SORBS2: variants seen among roughly 807,000 people sequenced by gnomAD.
SORBS2 encodes sorbin and SH3 domain-containing protein 2.
In SORBS2, 46 loss-of-function variants were observed where a neutral mutation model predicts 97.7. That is an observed-to-expected ratio of 0.47 (90% confidence interval 0.37 to 0.60). The LOEUF is 0.60. SORBS2 is among the 20% of genes least tolerant of loss of function. The pLI is 0.00. For synonymous variants in SORBS2, 476 were observed against 473.4 expected (o/e 1.01, Z -0.07); for missense variants, 1,316 against 1,282.3 (o/e 1.03, Z -0.40).
Position 185,678,820 on chromosome 4 carries a change from G to T in SORBS2, c.-195C>A, listed in dbSNP as rs140295216. On this transcript the variant is annotated splice_region_variant and 5_prime_UTR_variant, in exon 3 of 21. Coordinates refer to the SORBS2 transcript ENST00000284776. ...CCTGAGTCTGGTGACTGAGAATCAC[G>T]CCCTGAAAGAAAAAAAAATGTTGAA... 10 of 1,451,666 alleles carry T rather than the reference G, an allele frequency of 6.9e-6. No homozygotes were observed. The East Asian group carries it at 7.9e-5, about 12-fold the overall frequency. The allele number at this position is 1,451,666 out of a possible 1,614,324, so 89.9% of individuals were successfully genotyped here. A position where few individuals can be genotyped will look rare whatever the true frequency, so the allele number is the denominator to read the frequency against.
intron 1 of SORBS2, among the ~76,000 whole-genome samples, chr4:185,841,533 T>A (rs184477752): frequency 1.3e-5 from 2 of 152,144 alleles, no homozygotes; most frequent in Middle Eastern, 3.4e-3. Flanking sequence ...CATGTTAGGT[T>A]CCTCCCATGG....
intron 4 of SORBS2, among the ~76,000 whole-genome samples, chr4:185,641,953 G>A (rs529689631): frequency 6.6e-6 from 1 of 152,192 alleles, no homozygotes; most frequent in South Asian, 2.1e-4. Context: ...TGCTTTTGTG[G>A]TTATCGAGAT....
At chr4:185,592,194 C>T (rs2095960550) in intron 13 of SORBS2, 1 of 152,570 alleles carries the variant, frequency 6.6e-6, no homozygotes, top group South Asian at 2.1e-4. Context: ...GAACATATTT[C>T]ACTAAAACTC....
chr4:185,614,953 T>C (rs1316801825), exon 11 of SORBS2: 2 of 1,614,136 alleles, frequency 1.2e-6, no homozygotes, highest in South Asian at 2.2e-5. Context: ...TCAGGAGGTG[T>C]GAGTTTCTAT....
At chr4:185,924,063 C>T (rs569954913) in intron 1 of SORBS2, among the ~76,000 whole-genome samples, 1 of 152,258 alleles carries the variant, frequency 6.6e-6, no homozygotes, top group African/African-American at 2.4e-5. Flanking sequence ...AGCCAGGAAC[C>T]CAGGAGGTCA....
chr4:185,721,754 A>G (rs772611351), intron 2 of SORBS2, among the ~76,000 whole-genome samples: 11 of 152,254 alleles, frequency 7.2e-5, no homozygotes, highest in Non-Finnish European at 1.6e-4. Context: ...AAGGGAAAAC[A>G]AAAGCTGTCT....
rs560579731 is a variant in SORBS2 at position 185,756,710 on chromosome 4, C to G, written c.-198+18517G>C. 6.8e-3 allele frequency among the ~76,000 whole-genome samples: 893 copies of G among 131,126 alleles called. 3 individuals carry two copies. Among genetic ancestry groups the G allele is most frequent in the Non-Finnish European group, 8.5e-3 (536 of 63,230 alleles). The allele number at this position is 131,126 out of a possible 152,430, so 86.0% of individuals were successfully genotyped here. ...TTAATAAAAGCCAAATTACAGCCAA[C>G]TGTTAAAGCTTTTTTTTTTTTTTTT... On this transcript the variant is annotated intron_variant, in intron 2 of 20. Coordinates refer to the SORBS2 transcript ENST00000284776.
chr4:185,651,778 T>A lies in SORBS2; in HGVS notation c.91+884A>T, dbSNP rs573610578. 8 of 1,491,396 alleles carry A rather than the reference T, an allele frequency of 5.4e-6. No homozygotes were observed. The African/African-American group carries it at 6.9e-5, about 13-fold the overall frequency. The allele number at this position is 1,491,396 out of a possible 1,614,324, so 92.4% of individuals were successfully genotyped here. On this transcript the variant is annotated intron_variant, in intron 2 of 14. Coordinates refer to ENST00000418609, the Ensembl canonical transcript of SORBS2. ...TAGTCATTGCGAGCAAGGAAACCCA[T>A]CCTACCTGCATTGTATGTATAAGGA...
At chr4:185,586,313 A>ATTT (rs1469076236) in exon 15 of SORBS2, 1 of 152,650 alleles carries the variant, frequency 6.6e-6, no homozygotes, top group South Asian at 2.1e-4. Flanking sequence ...TCCCAATATC[A>ATTT]TTTTTTAAAT....
chr4:185,671,781 G>C (rs1335232122), intron 4 of SORBS2, among the ~76,000 whole-genome samples: 2 of 152,178 alleles, frequency 1.3e-5, no homozygotes, highest in Admixed American at 1.3e-4. Flanking sequence ...CGTGGTATTA[G>C]AAATTCTTTC....
chr4:185,802,499 G>A (rs887852600), intron 1 of SORBS2, among the ~76,000 whole-genome samples: 3 of 152,140 alleles, frequency 2.0e-5, no homozygotes, highest in African/African-American at 2.4e-5. Context: ...CGCTCTCCAC[G>A]TTCCCTATCA....
chr4:185,866,269 G>A (rs951127998), intron 1 of SORBS2, among the ~76,000 whole-genome samples: 5 of 152,170 alleles, frequency 3.3e-5, no homozygotes, highest in Admixed American at 6.5e-5. Flanking sequence ...CAAACCAAGC[G>A]CAGTGTTTAC....
intron 2 of SORBS2, among the ~76,000 whole-genome samples, chr4:185,730,280 AT>A (rs71598509): frequency 2.3e-3 from 242 of 104,916 alleles, no homozygotes; most frequent in East Asian, 0.011. Context: ...TGTAATTCTA[AT>A]TTTTTTTTTT....
chr4:185,867,727 C>T (rs2099227770), intron 1 of SORBS2, among the ~76,000 whole-genome samples: 1 of 152,220 alleles, frequency 6.6e-6, no homozygotes, highest in South Asian at 2.1e-4. Context: ...GAAGGGAGGT[C>T]CCAGGCATTA....
chr4:185,953,881 C>G (rs1482214371), intron 1 of SORBS2, among the ~76,000 whole-genome samples: 4 of 152,264 alleles, frequency 2.6e-5, no homozygotes, highest in Non-Finnish European at 4.4e-5. Flanking sequence ...AGGCGCAGAG[C>G]TGGGCTTTCC....
intron 2 of SORBS2, among the ~76,000 whole-genome samples, chr4:185,712,094 T>C (rs2153547758): frequency 6.6e-6 from 1 of 152,258 alleles, no homozygotes; most frequent in Non-Finnish European, 1.5e-5. Context: ...ACCCTCAAGC[T>C]GAAAAGCCTG....
chr4:185,620,553 T>C (rs2096704311), intron 7 of SORBS2, among the ~76,000 whole-genome samples: 1 of 152,104 alleles, frequency 6.6e-6, no homozygotes, highest in South Asian at 2.1e-4. Flanking sequence ...AATTTGAAAA[T>C]AGCAACAATT....
chr4:185,657,888 C>A (rs2097434860), upstream of SORBS2, among the ~76,000 whole-genome samples: 1 of 152,136 alleles, frequency 6.6e-6, no homozygotes, highest in African/African-American at 2.4e-5. Context: ...AATGCATTAT[C>A]TCTTCTTATC....
At chr4:185,780,117 G>T (rs1222269653) in intron 1 of SORBS2, among the ~76,000 whole-genome samples, 1 of 143,770 alleles carries the variant, frequency 7.0e-6, no homozygotes, top group Non-Finnish European at 1.5e-5. Context: ...CCAGGTTCAA[G>T]TAATTCTCCT....
Sources: allele counts gnomAD v4.1 joint callset (sites outside exome capture counted in the v4.1 genomes callset), GRCh38; gene constraint gnomAD v4.1.1; transcripts MANE v1.5; gene names NCBI Gene and HGNC (gene_info 2026-07-23, HGNC 2026-07-21).